The following KCNT2 variants were observed in gnomAD, a reference collection of about 807,000 sequenced individuals.
KCNT2 encodes the protein potassium sodium-activated channel subfamily T member 2.
A neutral mutation model predicts 153.8 loss-of-function variants in KCNT2; 67 were observed. The observed-to-expected ratio is 0.44, with a 90% confidence interval of 0.36 to 0.53. The LOEUF (loss-of-function observed/expected upper bound fraction) is 0.53. KCNT2 is among the 20% of genes least tolerant of loss of function. The pLI, the probability that KCNT2 is intolerant of heterozygous loss-of-function variation, is 0.00. For synonymous variants in KCNT2, 500 were observed against 458.8 expected, an observed-to-expected ratio of 1.09 and a Z score of -1.15; for missense variants, 975 against 1,354.8, an observed-to-expected ratio of 0.72 and a Z score of 4.40.
intron 1 of KCNT2, among the ~76,000 whole-genome samples, chr1:196,594,367 T>C (rs1572925786): frequency 6.6e-6 from 1 of 152,152 alleles, no homozygotes; most frequent in Non-Finnish European, 1.5e-5. Flanking sequence ...ATTTTGTTTC[T>C]AAGGGGGATC....
At chr1:196,238,960 A>G (rs183244522) in intron 26 of KCNT2, among the ~76,000 whole-genome samples, 1 of 152,074 alleles carries the variant, frequency 6.6e-6, no homozygotes, top group Non-Finnish European at 1.5e-5. Context: ...GTCATTCTCT[A>G]TGGTTGTTTT....
intron 15 of KCNT2, among the ~76,000 whole-genome samples, chr1:196,341,162 T>A (rs934861723): frequency 6.6e-6 from 1 of 152,008 alleles, no homozygotes; most frequent in Non-Finnish European, 1.5e-5. Context: ...TATTGTTAAA[T>A]AAAAAATGCT....
At chr1:196,427,258 A>G (rs962753470) in intron 10 of KCNT2, among the ~76,000 whole-genome samples, 1 of 152,106 alleles carries the variant, frequency 6.6e-6, no homozygotes, top group African/African-American at 2.4e-5. Flanking sequence ...TGATTCTATC[A>G]TTTAAGAATC....
chr1:196,291,842 C>A (rs1660215737), intron 22 of KCNT2, among the ~76,000 whole-genome samples: 3 of 152,190 alleles, frequency 2.0e-5, no homozygotes, highest in Non-Finnish European at 4.4e-5. Context: ...TTTCACTTCA[C>A]TAATTTACAT....
At chr1:196,318,466 T>C (rs1302193921) in intron 20 of KCNT2, among the ~76,000 whole-genome samples, 1 of 151,762 alleles carries the variant, frequency 6.6e-6, no homozygotes, top group Non-Finnish European at 1.5e-5. Context: ...ATCCACTTCA[T>C]AGTTTGCATC....
rs548176505 is a variant in KCNT2 at position 196,393,360 on chromosome 1, G to C, written c.1294+5203C>G. ...GACATAACACTTTATTGGGAAGATAGAGATATTGTGTTTATCTAAATTTAG... is the reference window on the plus strand; with the variant it reads ...GACATAACACTTTATTGGGAAGATACAGATATTGTGTTTATCTAAATTTAG... On this transcript the variant is annotated intron_variant, in intron 13 of 27. Coordinates refer to ENST00000294725, the MANE Select transcript of KCNT2 (RefSeq NM_198503.5). Among the ~76,000 whole-genome samples the C allele has an allele frequency of 1.7e-3, 265 of 151,576 alleles. 1 individual carries two copies. Among genetic ancestry groups the C allele is most frequent in the African/African-American group, 5.9e-3 (246 of 41,480 alleles).
At chr1:196,325,041 A>T (rs1291678566) in intron 19 of KCNT2, among the ~76,000 whole-genome samples, 3 of 152,078 alleles carry the variant, frequency 2.0e-5, no homozygotes, top group African/African-American at 7.2e-5. Flanking sequence ...AGACTTAGAG[A>T]TTTGAAATAA....
intron 1 of KCNT2, among the ~76,000 whole-genome samples, chr1:196,550,965 T>C (rs919076820): frequency 4.0e-5 from 6 of 151,858 alleles, no homozygotes; most frequent in Non-Finnish European, 8.8e-5. Context: ...ATTCATTATT[T>C]GAGATATTTG....
rs548192628 is a variant in KCNT2 at position 196,385,274 on chromosome 1, T to C, written c.1295-12026A>G. On this transcript the variant is annotated intron_variant, in intron 13 of 27. Coordinates refer to ENST00000294725, the MANE Select transcript of KCNT2 (RefSeq NM_198503.5). ...TCAGTTTGACATTCCAATCATGTACTATCCACACACTATTTTTGACCTGTA... is the reference window on the plus strand; with the variant it reads ...TCAGTTTGACATTCCAATCATGTACCATCCACACACTATTTTTGACCTGTA... 2.0e-5 allele frequency among the ~76,000 whole-genome samples: 3 copies of C among 152,276 alleles called. No homozygotes were observed. In the South Asian group the frequency reaches 6.2e-4, roughly 32 times the overall value.
intron 1 of KCNT2, among the ~76,000 whole-genome samples, chr1:196,545,196 T>C (rs1401648863): frequency 6.6e-6 from 1 of 152,080 alleles, no homozygotes; most frequent in Non-Finnish European, 1.5e-5. Context: ...TCCCCACAGG[T>C]CTAATCCCGC....
intron 14 of KCNT2, among the ~76,000 whole-genome samples, chr1:196,348,992 C>T (rs1558179218): frequency 6.6e-6 from 1 of 152,034 alleles, no homozygotes; most frequent in Non-Finnish European, 1.5e-5. Context: ...TCTCTAGTCT[C>T]TCTGAATAAA....
chr1:196,480,616 G>A (rs926028760), intron 4 of KCNT2, among the ~76,000 whole-genome samples: 2 of 151,988 alleles, frequency 1.3e-5, no homozygotes, highest in African/African-American at 4.8e-5. Flanking sequence ...AGCACTTTGG[G>A]AGGCCGAGGT....
chr1:196,571,663 A>G (rs1660792156), intron 1 of KCNT2, among the ~76,000 whole-genome samples: 1 of 152,084 alleles, frequency 6.6e-6, no homozygotes, highest in Non-Finnish European at 1.5e-5. Context: ...ATATCAAACT[A>G]GAGTCCAAAT....
chr1:196,373,286 C>G, intron 13 of KCNT2, 38 bp from the exon 14 acceptor site: 1 of 866,956 alleles, frequency 1.2e-6, no homozygotes, highest in Non-Finnish European at 1.9e-6. Flanking sequence ...AATAATTTAC[C>G]TTTGGAGAGT....
intron 16 of KCNT2, among the ~76,000 whole-genome samples, chr1:196,337,611 TG>T (rs1665161922): frequency 6.6e-6 from 1 of 152,130 alleles, no homozygotes; most frequent in South Asian, 2.1e-4. Flanking sequence ...TTACTGTTCC[TG>T]GAGAACCCCA....
intron 16 of KCNT2, among the ~76,000 whole-genome samples, chr1:196,337,827 T>C (rs1301912849): frequency 6.6e-6 from 1 of 152,162 alleles, no homozygotes; most frequent in East Asian, 1.9e-4. Context: ...CCTTTATAAC[T>C]TATAACCCAC....
intron 27 of KCNT2, among the ~76,000 whole-genome samples, chr1:196,230,626 G>T (rs1653869526): frequency 6.6e-6 from 1 of 151,970 alleles, no homozygotes; most frequent in Admixed American, 6.6e-5. Flanking sequence ...ACTTTGAGGG[G>T]ATCAAGACTT....
At position 196,319,490 on chromosome 1, in the gene KCNT2, A is replaced by T; in HGVS notation, c.2342T>A (p.Ile781Asn). The T allele has an allele frequency of 6.2e-7, 1 of 1,609,552 alleles. No homozygotes were observed. Among genetic ancestry groups the T allele is most frequent in the South Asian group, 1.1e-5 (1 of 90,898 alleles). The change falls in exon 20 of 28, where the codon ATT (isoleucine) becomes AAT (asparagine). Residue 781 changes from isoleucine (I) to asparagine (N), a missense_variant. By Grantham distance (149) the Ile-to-Asn change is moderately radical. This residue lies in a region of KCNT2 where 325 missense variants were observed against 388.1 expected (regional missense o/e 0.84). Transcript: ENST00000294725. ...FPMVYYMVGSIDNLDDLLRCG... is the reference protein window; with the variant it reads ...FPMVYYMVGSNDNLDDLLRCG... The stretch of plus-strand genomic sequence containing the variant: ...CAAAGATTTTGTCACCTACTTGTCA[A>T]TAGAGCCCACCATGTAGTAAACCAT...
chr1:196,239,323 C>T (rs1185087236), intron 26 of KCNT2, among the ~76,000 whole-genome samples: 1 of 151,358 alleles, frequency 6.6e-6, no homozygotes, highest in Non-Finnish European at 1.5e-5. Context: ...AATAAAATTA[C>T]TCATAAAAAC....
Sources: gnomAD v4.1 joint callset for allele counts (sites outside exome capture counted in the v4.1 genomes callset) on GRCh38, gnomAD v4.1.1 for gene constraint, gnomAD v4.1.1 regional missense constraint, MANE v1.5 for transcripts, NCBI Gene and HGNC (gene_info 2026-07-23, HGNC 2026-07-21) for gene names.